SLC20A1: variants seen among roughly 807,000 people sequenced by gnomAD.
The protein encoded by SLC20A1 is solute carrier family 20 member 1, also known as sodium-dependent phosphate transporter 1.
In SLC20A1, 28 loss-of-function variants were observed where a neutral mutation model predicts 62.7. The ratio of observed to expected loss-of-function variants is 0.45; its 90% CI spans 0.33 to 0.61. The LOEUF (loss-of-function observed/expected upper bound fraction) is 0.61. Among genes scored for constraint, SLC20A1 ranks in the 20% least tolerant of loss-of-function variants. The pLI, the probability that SLC20A1 is intolerant of heterozygous loss-of-function variation, is 0.02. For missense variants in SLC20A1, 673 were observed against 838.6 expected, an observed-to-expected ratio of 0.80 and a Z score of 2.44; for synonymous variants, 305 against 302.9, an observed-to-expected ratio of 1.01 and a Z score of -0.07.
At chr2:112,662,737 C>G in intron 10 of SLC20A1, 127 bp from the exon 11 acceptor site, 1 of 872,890 alleles carries the variant, frequency 1.1e-6, no homozygotes, top group Non-Finnish European at 1.7e-6. Flanking sequence ...CTGTTGTAAA[C>G]CAGCTTTCTT....
At chr2:112,662,099 T>G (rs1398588319) in intron 10 of SLC20A1, among the ~76,000 whole-genome samples, 1 of 152,234 alleles carries the variant, frequency 6.6e-6, no homozygotes, top group South Asian at 2.1e-4. Context: ...GGTTGTTTGA[T>G]GACAATCTAA....
chr2:112,650,010 A>G (rs1686392589), intron 4 of SLC20A1, among the ~76,000 whole-genome samples: 1 of 151,872 alleles, frequency 6.6e-6, no homozygotes, highest in South Asian at 2.1e-4. Flanking sequence ...GACTCTCTGG[A>G]ACTTTTGATT....
In SLC20A1 at chr2:112,659,000, A is replaced by G. The variant is rs767001907; in HGVS notation, c.954A>G (p.Ser318=). 2.5e-6 allele frequency: 4 copies of G among 1,614,126 alleles called. No individual in the cohort carries two copies. In the African/African-American group the frequency reaches 5.3e-5, roughly 22 times the overall value. Residue 318 remains serine (S), a synonymous_variant, in exon 7 of 11, where the codon TCA becomes TCG. Coordinates refer to ENST00000272542, the MANE Select transcript of SLC20A1 (RefSeq NM_005415.5). ...CTGTGGTGGAGGAGAGAACAGTCTCATTCAAACTTGGAGATTTGGAGGAAG... is the reference window on the plus strand; with the variant it reads ...CTGTGGTGGAGGAGAGAACAGTCTCGTTCAAACTTGGAGATTTGGAGGAAG... ...LQAVVEERTV[S]FKLGDLEEAP...
At chr2:112,660,593 C>G in intron 9 of SLC20A1, 21 bp downstream of exon 9, 1 of 1,602,000 alleles carries the variant, frequency 6.2e-7, no homozygotes, top group South Asian at 1.1e-5. Context: ...GGAGCAGGTT[C>G]TACAAATGTC....
chr2:112,661,179 G>A lies in SLC20A1; in HGVS notation c.1831G>A (p.Val611Met). The change falls in exon 10 of 11, where the codon GTG becomes ATG. Residue 611 changes from valine to methionine, a missense_variant. Physicochemically the swap from Val to Met is conservative, Grantham distance 21. Transcript: ENST00000272542. ...TGAACTGGCATCTGCCCTCACTGTG[G>A]TGATTGCATCAAATATTGGCCTTCC... ...SIELASALTV[V>M]IASNIGLPIS... The A allele has an allele frequency of 1.2e-6, 2 of 1,614,108 alleles. No homozygotes were observed. Among genetic ancestry groups the A allele is most frequent in the Non-Finnish European group, 1.7e-6 (2 of 1,179,972 alleles).
chr2:112,646,365 C>T (rs1329153959), intron 1 of SLC20A1, among the ~76,000 whole-genome samples, 198 bp from the exon 2 acceptor site: 1 of 151,766 alleles, frequency 6.6e-6, no homozygotes, highest in African/African-American at 2.4e-5. Flanking sequence ...GCTGGCAGCG[C>T]AGGGGCTGGG....
At chr2:112,651,745 A>G (rs940530394) in intron 4 of SLC20A1, among the ~76,000 whole-genome samples, 1 of 152,206 alleles carries the variant, frequency 6.6e-6, no homozygotes, top group Non-Finnish European at 1.5e-5. Flanking sequence ...GTGTTCTCCT[A>G]TAGAATTAAT....
At chr2:112,647,510 T>TGTTA in intron 3 of SLC20A1, 46 bp downstream of exon 3, 1 of 1,603,630 alleles carries the variant, frequency 6.2e-7, no homozygotes, top group Non-Finnish European at 8.5e-7. Flanking sequence ...TTTCGTCATA[T>TGTTA]GTTACCATGG....
chr2:112,648,754 G>A (rs1686350665), intron 4 of SLC20A1, among the ~76,000 whole-genome samples: 1 of 152,184 alleles, frequency 6.6e-6, no homozygotes, highest in African/African-American at 2.4e-5. Context: ...TATAATATGA[G>A]AGTAAACAGT....
At chr2:112,659,907 C>CATT (rs1457939637) in intron 8 of SLC20A1, 145 bp downstream of exon 8, 2 of 648,822 alleles carry the variant, frequency 3.1e-6, no homozygotes, top group Non-Finnish European at 5.3e-6. Flanking sequence ...CAGTTATTGA[C>CATT]ATAATAAGAC....
At chr2:112,653,953 C>T (rs138588389) in intron 5 of SLC20A1, among the ~76,000 whole-genome samples, 2,244 of 152,090 alleles carry the variant, frequency 0.015, 52 homozygotes, top group African/African-American at 0.051. Flanking sequence ...CCACCAAGCC[C>T]GGCTGATTTT....
At position 112,647,682 on chromosome 2, in the gene SLC20A1, T is replaced by G. The variant is rs764671597; in HGVS notation, c.505T>G (p.Ser169Ala). 6.2e-7 allele frequency: 1 copy of G among 1,614,116 alleles called. No homozygotes were observed. Among genetic ancestry groups the G allele is most frequent in the Non-Finnish European group, 8.5e-7 (1 of 1,179,938 alleles). The change falls in exon 4 of 11, where the codon TCT becomes GCT. Residue 169 changes from serine (S) to alanine (A), a missense_variant. Ser to Ala is a moderately conservative substitution (Grantham distance 99). Transcript: ENST00000272542. ...VMSWFVSPLLSGIMSGILFFL... is the reference protein window; with the variant it reads ...VMSWFVSPLLAGIMSGILFFL... ...GTCTTGGTTCGTGTCCCCACTGCTT[T>G]CTGGAATTATGTCTGGAATTTTATT...
chr2:112,647,666 C>T lies in SLC20A1; in HGVS notation c.489C>T (p.Phe163=), dbSNP rs769213803. ...SELIKIVMSW[F]VSPLLSGIMS... ...GTTCTATTCCAGTGATGTCTTGGTTCGTGTCCCCACTGCTTTCTGGAATTA... is the reference window on the plus strand; with the variant it reads ...GTTCTATTCCAGTGATGTCTTGGTTTGTGTCCCCACTGCTTTCTGGAATTA... The change falls in exon 4 of 11, where the codon TTC becomes TTT. Residue 163 remains phenylalanine, a synonymous_variant. Transcript: ENST00000272542. 3.8e-5 allele frequency: 61 copies of T among 1,613,384 alleles called. No individual in the cohort carries two copies. Among genetic ancestry groups the T allele is most frequent in the Non-Finnish European group, 4.9e-5 (58 of 1,179,524 alleles).
At chr2:112,660,704 T>A in intron 9 of SLC20A1, 132 bp downstream of exon 9, 1 of 554,106 alleles carries the variant, frequency 1.8e-6, no homozygotes, top group Non-Finnish European at 2.8e-6. Context: ...TTGTCATTGT[T>A]CTTTTTAGAT....
At chr2:112,656,014 T>C (rs1414108166) in intron 5 of SLC20A1, among the ~76,000 whole-genome samples, 6 of 151,948 alleles carry the variant, frequency 3.9e-5, no homozygotes, top group Admixed American at 1.3e-4. Context: ...GCTTTACTTC[T>C]GTCTTTAGTA....
In SLC20A1 at chr2:112,663,168, T is replaced by G; in HGVS notation, c.*143T>G. The G allele has an allele frequency of 1.0e-6, 1 of 964,282 alleles. No homozygotes were observed. The highest frequency in any genetic ancestry group is 1.3e-5 in the South Asian group (1 of 76,544). 59.7% of individuals were successfully genotyped at this position (964,282 alleles called of 1,614,324 possible). ...CAGAGGAGGGAAGTGTTACTTGTGCTATAACTGCTTTTGTGCTAAATATGA... is the reference window on the plus strand; with the variant it reads ...CAGAGGAGGGAAGTGTTACTTGTGCGATAACTGCTTTTGTGCTAAATATGA... On this transcript the variant is annotated 3_prime_UTR_variant, in exon 11 of 11. Transcript: ENST00000272542.
intron 4 of SLC20A1, among the ~76,000 whole-genome samples, chr2:112,649,396 T>C (rs1475814226): frequency 6.6e-6 from 1 of 152,178 alleles, no homozygotes; most frequent in East Asian, 1.9e-4. Flanking sequence ...TAACAGGAGT[T>C]TTCAGTTGAG....
chr2:112,660,064 A>G (rs1474075166), intron 8 of SLC20A1, among the ~76,000 whole-genome samples: 1 of 152,254 alleles, frequency 6.6e-6, no homozygotes, highest in Non-Finnish European at 1.5e-5. Context: ...GTAAGATGTA[A>G]GATGAAAAAC....
rs764474892 is a variant in SLC20A1 at position 112,647,114 on chromosome 2, A to T, written c.286A>T (p.Asn96Tyr). 5 of 1,614,128 alleles carry T rather than the reference A, an allele frequency of 3.1e-6. No individual in the cohort carries two copies. Among genetic ancestry groups the T allele is most frequent in the Non-Finnish European group, 4.2e-6 (5 of 1,180,000 alleles). ...GGGCTTGATTGACGTGGAGATGTAC[A>T]ACTCGACTCAAGGGCTGCTGATGGC... ...RKGLIDVEMY[N>Y]STQGLLMAGS... is the part of the protein sequence containing the mutation. The change falls in exon 2 of 11, where the codon AAC becomes TAC. Residue 96 changes from asparagine to tyrosine, a missense_variant. Coordinates refer to ENST00000272542, the MANE Select transcript of SLC20A1 (RefSeq NM_005415.5).
Sources: allele counts gnomAD v4.1 joint callset (sites outside exome capture counted in the v4.1 genomes callset), GRCh38; gene constraint gnomAD v4.1.1; transcripts MANE v1.5; gene names NCBI Gene and HGNC (gene_info 2026-07-23, HGNC 2026-07-21).